The following CDC16 variants were observed in gnomAD, a reference collection of about 807,000 sequenced individuals.
The protein encoded by CDC16 is cell division cycle 16.
Under a neutral mutation model 87.0 loss-of-function variants are expected in CDC16, and 34 were observed. The observed-to-expected ratio is 0.39, with a 90% CI of 0.30 to 0.52. CDC16 has a LOEUF of 0.52. Among genes scored for constraint, CDC16 ranks in the 20% least tolerant of loss-of-function variants. The probability of loss-of-function intolerance (pLI) is 0.74; values close to 1 mark genes in which losing one functional copy is unlikely to be tolerated. For missense variants in CDC16, 653 were observed against 751.9 expected (o/e 0.87, Z 1.54); for synonymous variants, 263 against 260.6 (o/e 1.01, Z -0.09).
In CDC16 at chr13:114,243,997, T is replaced by C; in HGVS notation, c.767+8T>C. 2 of 1,598,624 alleles carry C rather than the reference T, an allele frequency of 1.3e-6. No homozygotes were observed. The highest frequency in any genetic ancestry group is 1.7e-6 in the Non-Finnish European group (2 of 1,168,122). ...CTACAAGCTTACTTCTGTGTAAGTA[T>C]ATCCATCCATTTTTCTGTAGGAACA... On this transcript the variant is annotated splice_region_variant and intron_variant, in intron 8 of 17. Coordinates refer to ENST00000356221, the MANE Select transcript of CDC16 (RefSeq NM_001078645.3).
At position 114,262,924 on chromosome 13, in the gene CDC16, G is replaced by T; in HGVS notation, c.1422G>T (p.Leu474Phe). 3 of 1,614,082 alleles carry T rather than the reference G, an allele frequency of 1.9e-6. No individual in the cohort carries two copies. Among genetic ancestry groups the T allele is most frequent in the Non-Finnish European group, 2.5e-6 (3 of 1,179,944 alleles). The change falls in exon 16 of 18, where the codon TTG (leucine) becomes TTT (phenylalanine). Residue 474 changes from leucine (L) to phenylalanine (F), a missense_variant. Leu to Phe is a conservative substitution (Grantham distance 22). Coordinates refer to ENST00000356221, the MANE Select transcript of CDC16 (RefSeq NM_001078645.3). Reference sequence around the variant, plus strand: ...ATTACCACCGTCAGGCACTGGTGTTGATTCCTCAGAACGCATCCACCTACT... The same window carrying T: ...ATTACCACCGTCAGGCACTGGTGTTTATTCCTCAGAACGCATCCACCTACT... ...ALDYHRQALVLIPQNASTYSA... is the reference protein window; with the variant it reads ...ALDYHRQALVFIPQNASTYSA...
chr13:114,243,720 TAA>T, intron 7 of CDC16, 134 bp from the exon 8 acceptor site: 1 of 649,066 alleles, frequency 1.5e-6, no homozygotes. Context: ...TTATAAAACC[TAA>T]AGTTATAAGT....
chr13:114,242,166 C>G lies in CDC16; in HGVS notation c.427C>G (p.Leu143Val). Reference protein sequence around the residue: ...CLLRGKIYDALDNRTLATYSY... With the variant: ...CLLRGKIYDAVDNRTLATYSY... Reference sequence around the variant, plus strand: ...TCTACGCGGGAAAATCTATGATGCTCTAGATAACCGAACCCTGGCTACCTA... The same window carrying G: ...TCTACGCGGGAAAATCTATGATGCTGTAGATAACCGAACCCTGGCTACCTA... The change falls in exon 6 of 18, where the codon CTA (leucine) becomes GTA (valine). Residue 143 changes from leucine to valine, a missense_variant. Transcript: ENST00000356221. The G allele has an allele frequency of 1.2e-6, 2 of 1,613,750 alleles. No individual in the cohort carries two copies. The highest frequency in any genetic ancestry group is 8.5e-7 in the Non-Finnish European group (1 of 1,179,900).
chr13:114,238,900 A>G, intron 3 of CDC16, 90 bp from the exon 4 acceptor site: 4 of 1,462,572 alleles, frequency 2.7e-6, no homozygotes, highest in Non-Finnish European at 3.7e-6. Context: ...AAATTATGAA[A>G]TTAGTTCTAT....
At position 114,234,905 on chromosome 13, in the gene CDC16, G is replaced by A. The variant is rs369014347; in HGVS notation, c.-180G>A. 1.1e-3 allele frequency: 416 copies of A among 394,928 alleles called. 1 individual carries two copies. Among genetic ancestry groups the A allele is most frequent in the African/African-American group, 8.3e-3 (399 of 47,888 alleles). The allele number at this position is 394,928 out of a possible 1,614,324, so 24.5% of individuals were successfully genotyped here. On this transcript the variant is annotated 5_prime_UTR_variant, in exon 1 of 18. Coordinates refer to ENST00000356221, the MANE Select transcript of CDC16 (RefSeq NM_001078645.3). ...AGCGGAAGAGCCTGGGCAGTGCACG[G>A]GGCCTGGGTGGGGGGTGCGGGTGTG...
intron 17 of CDC16, among the ~76,000 whole-genome samples, chr13:114,265,813 AAGTAAT>A (rs1282989844): frequency 7.3e-6 from 1 of 137,568 alleles, no homozygotes; most frequent in African/African-American, 3.2e-5. Flanking sequence ...GTTCCTACTA[AAGTAAT>A]TTTTTTTTTT....
At position 114,272,447 on chromosome 13, in the gene CDC16, C is replaced by T. The variant is rs1343292046; in HGVS notation, c.*4C>T. The T allele has an allele frequency of 1.9e-6, 3 of 1,612,716 alleles. No homozygotes were observed. The highest frequency in any genetic ancestry group is 2.2e-5 in the East Asian group (1 of 44,874). On this transcript the variant is annotated 3_prime_UTR_variant, in exon 18 of 18. Transcript: ENST00000356221. ...TATGTCAGACCACAGCACGTGACTC[C>T]AGTCAGTGGTCCTGGTCCCACTGTC...
At chr13:114,239,049 AT>A (rs17337828) in intron 4 of CDC16, 21 bp downstream of exon 4, 395,388 of 1,606,894 alleles carry the variant, frequency 0.25, 53,059 homozygotes, top group African/African-American at 0.52. Context: ...TCATAATTTC[AT>A]TTTTATTTGG....
Position 114,236,640 on chromosome 13 carries a change from T to C in CDC16, c.49-5T>C, listed in dbSNP as rs2081266481. 2 of 1,608,536 alleles carry C rather than the reference T, an allele frequency of 1.2e-6. No homozygotes were observed. The highest frequency in any genetic ancestry group is 1.7e-6 in the Non-Finnish European group (2 of 1,178,708). On this transcript the variant is annotated splice_polypyrimidine_tract_variant and splice_region_variant and intron_variant, in intron 1 of 17. Coordinates refer to ENST00000356221, the MANE Select transcript of CDC16 (RefSeq NM_001078645.3). ...TTACCACCTTTTTTTTTTTTTGGTATGCAGCAACAGTATCAAAGTGCTCTA... is the reference window on the plus strand; with the variant it reads ...TTACCACCTTTTTTTTTTTTTGGTACGCAGCAACAGTATCAAAGTGCTCTA...
At chr13:114,242,070 G>GT in intron 5 of CDC16, 51 bp from the exon 6 acceptor site, 1 of 1,534,742 alleles carries the variant, frequency 6.5e-7, no homozygotes, top group Non-Finnish European at 8.7e-7. Context: ...AAAAAAAAAA[G>GT]TTAAGTTTAA....
chr13:114,236,299 TTA>T (rs1452044776), intron 1 of CDC16, among the ~76,000 whole-genome samples: 2 of 152,230 alleles, frequency 1.3e-5, no homozygotes, highest in African/African-American at 4.8e-5. Context: ...GTTGAAAGTG[TTA>T]TATAAATCAC....
intron 8 of CDC16, among the ~76,000 whole-genome samples, chr13:114,244,198 T>G (rs1382178081): frequency 6.6e-6 from 1 of 152,244 alleles, no homozygotes; most frequent in East Asian, 1.9e-4. Context: ...TACATTAACT[T>G]GGGAGGGATA....
In CDC16 at chr13:114,245,028, C is replaced by T. The variant is rs978234573; in HGVS notation, c.847+59C>T. On this transcript the variant is annotated intron_variant, in intron 9 of 17. Transcript: ENST00000356221. ...GACATAAAACAAATCTTTTCTGTAA[C>T]TTGAAATTTTGTCTCTGAAATTCTG... 3.8e-6 allele frequency: 4 copies of T among 1,039,232 alleles called. No homozygotes were observed. The South Asian group carries it at 4.4e-5, about 11-fold the overall frequency. The allele number at this position is 1,039,232 out of a possible 1,614,324, so 64.4% of individuals were successfully genotyped here.
chr13:114,243,843 C>T lies in CDC16; in HGVS notation c.634-13C>T. 6.3e-7 allele frequency: 1 copy of T among 1,596,926 alleles called. No individual in the cohort carries two copies. Among genetic ancestry groups the T allele is most frequent in the East Asian group, 2.2e-5 (1 of 44,580 alleles). ...GCTCATTGAGTTTATGTTTACATTT[C>T]TATGTGTTTCAGTATAATAAGCCTA... On this transcript the variant is annotated splice_polypyrimidine_tract_variant and intron_variant, in intron 7 of 17. Coordinates refer to ENST00000356221, the MANE Select transcript of CDC16 (RefSeq NM_001078645.3).
In CDC16 at chr13:114,242,122, TAA is replaced by T; in HGVS notation, c.385_386del (p.Lys129GlufsTer12). 6.3e-7 allele frequency: 1 copy of T among 1,595,754 alleles called. No homozygotes were observed. Among genetic ancestry groups the T allele is most frequent in the Non-Finnish European group, 8.5e-7 (1 of 1,174,938 alleles). ...TGTGACTCATCATTTTTCCAACAGA[TAA>T]AGAGTTCTATCTGTCTTCTACGCGG... On this transcript the variant is annotated frameshift_variant and splice_region_variant, in exon 6 of 18. Transcript: ENST00000356221. LOFTEE classifies it high-confidence loss of function.
At chr13:114,235,750 T>C (rs935669894) in intron 1 of CDC16, among the ~76,000 whole-genome samples, 1 of 152,162 alleles carries the variant, frequency 6.6e-6, no homozygotes, top group African/African-American at 2.4e-5. Flanking sequence ...AGAAAAGCCA[T>C]GGTAATGCAG....
chr13:114,255,946 C>T (rs1031826019), intron 12 of CDC16, among the ~76,000 whole-genome samples: 1 of 152,216 alleles, frequency 6.6e-6, no homozygotes, highest in Non-Finnish European at 1.5e-5. Context: ...AGCTACCAGA[C>T]AGGTCAAATA....
At chr13:114,238,772 ACCT>A (rs1183924267) in intron 3 of CDC16, among the ~76,000 whole-genome samples, 1 of 151,974 alleles carries the variant, frequency 6.6e-6, no homozygotes, top group East Asian at 1.9e-4. Context: ...CCCTACTGTA[ACCT>A]CCTGGGGCAG....
intron 16 of CDC16, among the ~76,000 whole-genome samples, chr13:114,263,272 G>C (rs1374788813): frequency 6.6e-6 from 1 of 152,222 alleles, no homozygotes; most frequent in Non-Finnish European, 1.5e-5. Flanking sequence ...TGATCTGAGT[G>C]CTGAGCACGG....
Sources: gnomAD v4.1 joint callset for allele counts (sites outside exome capture counted in the v4.1 genomes callset) on GRCh38, gnomAD v4.1.1 for gene constraint, MANE v1.5 for transcripts, NCBI Gene and HGNC (gene_info 2026-07-23, HGNC 2026-07-21) for gene names.